LDB3: variants seen among roughly 807,000 people sequenced by gnomAD.
LDB3 encodes the protein LIM domain-binding protein 3.
In LDB3, 49 loss-of-function variants were observed where a neutral mutation model predicts 69.0. The ratio of observed to expected loss-of-function variants is 0.71; its 90% confidence interval spans 0.56 to 0.90. The LOEUF (loss-of-function observed/expected upper bound fraction) is 0.90. Among genes scored for constraint, LDB3 ranks in the 40% least tolerant of loss-of-function variants. The pLI is 0.00. For missense variants in LDB3, 928 were observed against 974.1 expected, an observed-to-expected ratio of 0.95 and a Z score of 0.63; for synonymous variants, 387 against 396.2, an observed-to-expected ratio of 0.98 and a Z score of 0.28.
intron 7 of LDB3, among the ~76,000 whole-genome samples, chr10:86,701,190 G>T (rs1420675341): frequency 6.6e-6 from 1 of 152,212 alleles, no homozygotes; most frequent in East Asian, 1.9e-4. Flanking sequence ...CTTCATCTAG[G>T]CCTCCTGGAA....
rs117145718 is a variant in LDB3, at chr10:86,694,325, G to A, written c.896+1754G>A. 3.8e-3 allele frequency among the ~76,000 whole-genome samples: 576 copies of A among 152,254 alleles called. 1 individual carries two copies. The highest frequency in any genetic ancestry group is 6.7e-3 in the Non-Finnish European group (454 of 68,022). ...AGGGTAATTGAAGGGTGGGAGAGTAGTCCTTTCACCAGCGGCCTAACCCCA... is the reference window on the plus strand; with the variant it reads ...AGGGTAATTGAAGGGTGGGAGAGTAATCCTTTCACCAGCGGCCTAACCCCA... On this transcript the variant is annotated intron_variant, in intron 7 of 13. Transcript: ENST00000361373.
chr10:86,687,614 G>A (rs1383827610), intron 5 of LDB3, among the ~76,000 whole-genome samples: 1 of 152,254 alleles, frequency 6.6e-6, no homozygotes, highest in African/African-American at 2.4e-5. Context: ...AGGCCCCCAG[G>A]CCTCTCACAG....
Position 86,679,513 on chromosome 10 carries a change from G to C in LDB3, c.240G>C (p.Leu80=), listed in dbSNP as rs1844993688. The C allele has an allele frequency of 6.2e-7, 1 of 1,613,762 alleles. No individual in the cohort carries two copies. Among genetic ancestry groups the C allele is most frequent in the African/African-American group, 1.3e-5 (1 of 74,954 alleles). The change falls in exon 3 of 14, where the codon CTG becomes CTC. Residue 80 remains leucine (L), a synonymous_variant. Transcript: ENST00000361373. The stretch of plus-strand genomic sequence containing the variant: ...CCAGCTACAACTTGAGCCTCACCCT[G>C]CAGAAGTAGGTGGGAGCTCTCCAGA... ...KSASYNLSLT[L]QKSKRPIPIS...
chr10:86,679,463 G>A lies in LDB3; in HGVS notation c.190G>A (p.Glu64Lys), dbSNP rs1844991080. The A allele has an allele frequency of 1.9e-6, 3 of 1,614,094 alleles. No homozygotes were observed. Among genetic ancestry groups the A allele is most frequent in the South Asian group, 2.2e-5 (2 of 91,082 alleles). ...CAACACAGACACCATGACCCACCTG[G>A]AAGCCCAGAACAAGATCAAGTCTGC... is the stretch of plus-strand genomic sequence containing the variant. ...GVNTDTMTHL[E>K]AQNKIKSASY... The change falls in exon 3 of 14, where the codon GAA becomes AAA. Residue 64 changes from glutamate to lysine, a missense_variant. By Grantham distance (56) the Glu-to-Lys change is moderately conservative (BLOSUM62 1). Coordinates refer to ENST00000361373, the MANE Select transcript of LDB3 (RefSeq NM_007078.3).
At chr10:86,666,905 T>C, upstream of LDB3, 1 of 467,394 alleles carries the variant, frequency 2.1e-6, no homozygotes, top group South Asian at 1.6e-5. Flanking sequence ...TCTCCCACAC[T>C]GGTTATGCCC....
intron 12 of LDB3, among the ~76,000 whole-genome samples, chr10:86,719,675 C>A (rs1485662026): frequency 6.6e-6 from 1 of 152,142 alleles, no homozygotes; most frequent in Non-Finnish European, 1.5e-5. Flanking sequence ...TATGCGAGAC[C>A]CCTTCCTCTG....
At chr10:86,729,818 C>T (rs111599968) in intron 13 of LDB3, among the ~76,000 whole-genome samples, 8,320 of 152,274 alleles carry the variant, frequency 0.055, 342 homozygotes, top group Non-Finnish European at 0.073. Context: ...CTCTCCCCAG[C>T]CTGACTCATC....
At chr10:86,721,599 C>T (rs923331724) in intron 12 of LDB3, among the ~76,000 whole-genome samples, 4 of 152,164 alleles carry the variant, frequency 2.6e-5, no homozygotes, top group Non-Finnish European at 5.9e-5. Flanking sequence ...CGTAGGGTGC[C>T]CCACCCTACC....
chr10:86,717,416 C>A (rs12220648), intron 10 of LDB3, among the ~76,000 whole-genome samples: 3,292 of 152,280 alleles, frequency 0.022, 60 homozygotes, highest in South Asian at 0.075. Flanking sequence ...TCTTCATAGT[C>A]CCACTGTTCT....
At position 86,692,643 on chromosome 10, in the gene LDB3, C is replaced by T. The variant is rs866893919; in HGVS notation, c.896+72C>T. 30 of 1,367,992 alleles carry T rather than the reference C, an allele frequency of 2.2e-5. No individual in the cohort carries two copies. In the Middle Eastern group the frequency reaches 1.1e-3, roughly 48 times the overall value. The allele number at this position is 1,367,992 out of a possible 1,614,324, so 84.7% of individuals were successfully genotyped here. A position where few individuals can be genotyped will look rare whatever the true frequency, so the allele number is the denominator to read the frequency against. On this transcript the variant is annotated intron_variant, in intron 7 of 13. Coordinates refer to ENST00000361373, the MANE Select transcript of LDB3 (RefSeq NM_007078.3). ...CCCTCCCCGGGCAGCCCCCAGGTCA[C>T]ATCACTCATGGAAGGGACCTCTCAA...
chr10:86,703,274 A>G (rs931032047), intron 7 of LDB3, among the ~76,000 whole-genome samples: 1 of 152,162 alleles, frequency 6.6e-6, no homozygotes, highest in African/African-American at 2.4e-5. Context: ...CCCAGGCCAT[A>G]CCTGCCCACA....
chr10:86,697,148 G>A (rs1294019579), intron 7 of LDB3, among the ~76,000 whole-genome samples: 1 of 151,244 alleles, frequency 6.6e-6, no homozygotes, highest in Admixed American at 6.6e-5. Flanking sequence ...TAGAAGGCCA[G>A]CACTGCCACA....
intron 9 of LDB3, among the ~76,000 whole-genome samples, chr10:86,711,159 A>T (rs897310078): frequency 2.0e-5 from 3 of 152,156 alleles, no homozygotes; most frequent in Non-Finnish European, 4.4e-5. Context: ...CGGCGGGTGG[A>T]GGCGAGGCCT....
intron 7 of LDB3, among the ~76,000 whole-genome samples, chr10:86,692,931 AG>A (rs1275929870): frequency 6.6e-6 from 1 of 152,212 alleles, no homozygotes; most frequent in African/African-American, 2.4e-5. Context: ...CACTCATCTC[AG>A]GGCCTGTCCC....
intron 9 of LDB3, among the ~76,000 whole-genome samples, chr10:86,712,191 T>G (rs982928332): frequency 3.3e-5 from 5 of 151,992 alleles, no homozygotes; most frequent in African/African-American, 1.2e-4. Context: ...AGGTTCCTTC[T>G]CTGGGTGGGT....
chr10:86,719,594 C>T (rs1279933321), intron 12 of LDB3, among the ~76,000 whole-genome samples: 1 of 152,134 alleles, frequency 6.6e-6, no homozygotes, highest in Non-Finnish European at 1.5e-5. Flanking sequence ...CCTTACTTTC[C>T]TCGTCTGTAA....
Position 86,735,635 on chromosome 10 carries a change from GC to G in LDB3, c.*2661del, listed in dbSNP as rs1847606443. On this transcript the variant is annotated 3_prime_UTR_variant, in exon 14 of 14. Coordinates refer to ENST00000361373, the MANE Select transcript of LDB3 (RefSeq NM_007078.3). ...TCTCTACTAAAAATACACAAAATTA[GC>G]CAGGTGTGGTGGCAGGCGCCTGTAG... The G allele has an allele frequency of 6.6e-6, 1 of 151,992 alleles. No individual in the cohort carries two copies. The highest frequency in any genetic ancestry group is 1.5e-5 in the Non-Finnish European group (1 of 68,016). 9.4% of individuals were successfully genotyped at this position (151,992 alleles called of 1,614,324 possible).
chr10:86,668,997 G>A (rs1450885796), intron 2 of LDB3, among the ~76,000 whole-genome samples: 1 of 152,184 alleles, frequency 6.6e-6, no homozygotes, highest in Non-Finnish European at 1.5e-5. Context: ...TCATGAGCAG[G>A]TGGTAGGTGT....
At chr10:86,668,350 T>C, upstream of LDB3, 1 of 386,510 alleles carries the variant, frequency 2.6e-6, no homozygotes. Flanking sequence ...CCCTGGGGGG[T>C]GCTGGGTGCC....
Sources: gnomAD v4.1 joint callset for allele counts (sites outside exome capture counted in the v4.1 genomes callset) on GRCh38, gnomAD v4.1.1 for gene constraint, MANE v1.5 for transcripts, NCBI Gene and HGNC (gene_info 2026-07-23, HGNC 2026-07-21) for gene names.